The following PEDS1 variants were observed in gnomAD, a reference collection of about 807,000 sequenced individuals.
The protein encoded by PEDS1 is CarF homolog.
Under a neutral mutation model 35.2 loss-of-function variants are expected in PEDS1, and 14 were observed. The observed-to-expected ratio is 0.40, with a 90% confidence interval of 0.26 to 0.62. The LOEUF (loss-of-function observed/expected upper bound fraction) is 0.62, where lower values mean the gene tolerates loss of function less well. Among genes scored for constraint, PEDS1 ranks in the 20% least tolerant of loss-of-function variants. The pLI is 0.44. For synonymous variants in PEDS1, 152 were observed against 152.0 expected (o/e 1.00, Z 0.00); for missense variants, 260 against 367.8 (o/e 0.71, Z 2.40).
rs2081150011 is a variant in PEDS1 at position 50,129,471 on chromosome 20, G to T, written c.478+75C>A. ...ATACCATAAGGAGCCAAACACATAA[G>T]CCCCAGAAGGCTCCTGGGGGTCGGC... On this transcript the variant is annotated intron_variant, in intron 4 of 5. Coordinates refer to ENST00000371652, the MANE Select transcript of PEDS1 (RefSeq NM_199129.4). The surrounding 1 kb of genome is among the most constrained non-coding windows in gnomAD (Gnocchi z 4.2). The T allele has an allele frequency of 1.9e-6, 3 of 1,574,940 alleles. No homozygotes were observed. Among genetic ancestry groups the T allele is most frequent in the Non-Finnish European group, 2.6e-6 (3 of 1,158,084 alleles).
intron 1 of PEDS1, among the ~76,000 whole-genome samples, chr20:50,147,533 A>G (rs563198470): frequency 5.9e-4 from 90 of 152,334 alleles, no homozygotes; most frequent in African/African-American, 2.0e-3. Flanking sequence ...TTCCTAGACA[A>G]GGAAACTGAG....
chr20:50,132,433 G>A (rs1417905631), intron 2 of PEDS1, among the ~76,000 whole-genome samples: 1 of 151,984 alleles, frequency 6.6e-6, no homozygotes, highest in Non-Finnish European at 1.5e-5. Flanking sequence ...CCTTTCCCTT[G>A]CATGCCTCTG....
intron 2 of PEDS1, among the ~76,000 whole-genome samples, chr20:50,143,214 G>T (rs1240743741): frequency 1.3e-5 from 2 of 152,184 alleles, no homozygotes; most frequent in African/African-American, 4.8e-5. Flanking sequence ...ACAGAGCCAT[G>T]GCTGTACTCC....
chr20:50,127,036 C>T (rs1420447130), intron 5 of PEDS1, among the ~76,000 whole-genome samples: 9 of 152,170 alleles, frequency 5.9e-5, no homozygotes, highest in Non-Finnish European at 1.2e-4. Flanking sequence ...TTTGCCATTC[C>T]GGAAACACAC....
At chr20:50,150,392 C>T (rs2081390684) in intron 1 of PEDS1, among the ~76,000 whole-genome samples, 1 of 152,184 alleles carries the variant, frequency 6.6e-6, no homozygotes, top group Non-Finnish European at 1.5e-5. Context: ...ACATGCCTGG[C>T]AAGCTCCCAC....
chr20:50,142,696 G>A lies in PEDS1; in HGVS notation c.241+806C>T, dbSNP rs866230510. 5.4e-3 allele frequency among the ~76,000 whole-genome samples: 212 copies of A among 39,260 alleles called. 1 individual carries two copies. The highest frequency in any genetic ancestry group is 7.7e-3 in the Admixed American group (22 of 2,862). 25.8% of individuals were successfully genotyped at this position (39,260 alleles called of 152,430 possible). The stretch of plus-strand genomic sequence containing the variant: ...TCAAGTCATCCGCCCCCCCCCCCCC[G>A]CCCCAACGGCCTCCCACAGTGCTGG... On this transcript the variant is annotated intron_variant, in intron 2 of 5. Transcript: ENST00000371652.
intron 2 of PEDS1, among the ~76,000 whole-genome samples, chr20:50,138,897 C>A (rs1295446145): frequency 6.6e-6 from 1 of 152,202 alleles, no homozygotes; most frequent in Non-Finnish European, 1.5e-5. Context: ...CACGGGGGAA[C>A]TTGAGGTAGT....
intron 5 of PEDS1, among the ~76,000 whole-genome samples, chr20:50,126,093 G>A (rs1009725063): frequency 6.6e-6 from 1 of 151,956 alleles, no homozygotes; most frequent in African/African-American, 2.4e-5. Context: ...CTATTTTCCT[G>A]TTCTGTGTTT....
In PEDS1 at chr20:50,123,028, T is replaced by C. The variant is rs1490198610; in HGVS notation, c.*2030A>G. On this transcript the variant is annotated 3_prime_UTR_variant, in exon 6 of 6. Transcript: ENST00000371652. ...TTTGTGTCCAGGAGTTCAAGGTTGC[T>C]GTGAGCTATTACACCTCACCTCTGC... The C allele has an allele frequency of 6.6e-6, 1 of 152,102 alleles. No individual in the cohort carries two copies. The highest frequency in any genetic ancestry group is 1.5e-5 in the Non-Finnish European group (1 of 68,028). 9.4% of individuals were successfully genotyped at this position (152,102 alleles called of 1,614,324 possible).
intron 1 of PEDS1, among the ~76,000 whole-genome samples, chr20:50,150,660 C>CCGG (rs1401511362): frequency 1.3e-5 from 2 of 152,076 alleles, no homozygotes; most frequent in Non-Finnish European, 2.9e-5. Flanking sequence ...AGTTTATGGC[C>CCGG]CGGCTATTTA....
rs144586881 is a variant in PEDS1, at chr20:50,138,564, C to A, written c.241+4938G>T. 9.2e-3 allele frequency among the ~76,000 whole-genome samples: 1,396 copies of A among 152,272 alleles called. 4 individuals are homozygous for A. The highest frequency in any genetic ancestry group is 0.012 in the Admixed American group (183 of 15,298). On this transcript the variant is annotated intron_variant, in intron 2 of 5. Coordinates refer to ENST00000371652, the MANE Select transcript of PEDS1 (RefSeq NM_199129.4). ...TCTGTCCAATGGTCAAGGCCTGGCGCCTGCACGCTGCCCAGCAGGGAGGGA... is the reference window on the plus strand; with the variant it reads ...TCTGTCCAATGGTCAAGGCCTGGCGACTGCACGCTGCCCAGCAGGGAGGGA...
At chr20:50,143,976 T>C (rs538970225) in intron 1 of PEDS1, among the ~76,000 whole-genome samples, 2 of 152,272 alleles carry the variant, frequency 1.3e-5, no homozygotes, top group South Asian at 4.1e-4. Flanking sequence ...GGATTACAGG[T>C]GTGAGCCACC....
chr20:50,128,094 G>T lies in PEDS1; in HGVS notation c.572C>A (p.Thr191Lys). ...GACCCAGCGTGGCAGCCCAAAGTAC[G>T]TGTGCGACCACTTGTGGATCTGGTT... Reference protein sequence around the residue: ...FTNQIHKWSHTYFGLPRWVTL... With the variant: ...FTNQIHKWSHKYFGLPRWVTL... The change falls in exon 5 of 6, where the codon ACG becomes AAG. Residue 191 changes from threonine (T) to lysine (K), a missense_variant. Thr to Lys is a moderately conservative substitution (Grantham distance 78). Transcript: ENST00000371652. This position sits in a 1 kb window ranked among gnomAD's most constrained non-coding sequence, Gnocchi z 5.2. 6.2e-7 allele frequency: 1 copy of T among 1,614,192 alleles called. No homozygotes were observed. The highest frequency in any genetic ancestry group is 1.1e-5 in the South Asian group (1 of 91,084).
chr20:50,147,094 A>T (rs961692593), intron 1 of PEDS1, among the ~76,000 whole-genome samples: 5 of 152,192 alleles, frequency 3.3e-5, no homozygotes, highest in Admixed American at 2.0e-4. Flanking sequence ...AAGTGGGCAG[A>T]GCCAACTGCA....
At position 50,143,575 on chromosome 20, in the gene PEDS1, G is replaced by C. The variant is rs1204391057; in HGVS notation, c.168C>G (p.Leu56=). Residue 56 remains leucine, a synonymous_variant, in exon 2 of 6, where the codon CTC becomes CTG. Coordinates refer to ENST00000371652, the MANE Select transcript of PEDS1 (RefSeq NM_199129.4). ...EWCSVILCFS[L]IAHNLVHLLL... The stretch of plus-strand genomic sequence containing the variant: ...GGAGATGGACCAGGTTGTGGGCGAT[G>C]AGGCTGAAGCACAGGATCACAGAGC... 6.2e-7 allele frequency: 1 copy of C among 1,614,064 alleles called. No individual in the cohort carries two copies. The highest frequency in any genetic ancestry group is 8.5e-7 in the Non-Finnish European group (1 of 1,180,002).
intron 5 of PEDS1, among the ~76,000 whole-genome samples, chr20:50,126,109 C>T (rs769172227): frequency 6.6e-6 from 1 of 152,144 alleles, no homozygotes; most frequent in Non-Finnish European, 1.5e-5. Context: ...TGTTTGTTCA[C>T]CCCCCAATCC....
chr20:50,127,125 C>T (rs371116185), intron 5 of PEDS1, among the ~76,000 whole-genome samples: 20 of 152,208 alleles, frequency 1.3e-4, no homozygotes, highest in Admixed American at 7.2e-4. Flanking sequence ...GAGGTCTGCA[C>T]GGCTTTGTCC....
intron 2 of PEDS1, among the ~76,000 whole-genome samples, chr20:50,136,904 G>C (rs2081241714): frequency 6.6e-6 from 1 of 151,916 alleles, no homozygotes; most frequent in Non-Finnish European, 1.5e-5. Flanking sequence ...AGGTGTGGTG[G>C]CATGTGCCTG....
chr20:50,153,496 AG>A lies in PEDS1; in HGVS notation c.121+20del, dbSNP rs1568659941. ...CCGGGGCTGGTGACCGCAGGCCTGG[AG>A]GGGGGCCCAGAGGTCTTACCTGGCG... is the stretch of plus-strand genomic sequence containing the variant. On this transcript the variant is annotated intron_variant, in intron 1 of 5. Transcript: ENST00000371652. 5 of 1,344,492 alleles carry A rather than the reference AG, an allele frequency of 3.7e-6. No individual in the cohort carries two copies. The highest frequency in any genetic ancestry group is 3.4e-5 in the South Asian group (2 of 59,286). The allele number at this position is 1,344,492 out of a possible 1,614,324, so 83.3% of individuals were successfully genotyped here. A position where few individuals can be genotyped will look rare whatever the true frequency, so the allele number is the denominator to read the frequency against.
Sources: allele counts gnomAD v4.1 joint callset (sites outside exome capture counted in the v4.1 genomes callset), GRCh38; gene constraint gnomAD v4.1.1; non-coding constraint Gnocchi (gnomAD v3.1); transcripts MANE v1.5; gene names NCBI Gene and HGNC (gene_info 2026-07-23, HGNC 2026-07-21).